HS3ST5: variants seen among roughly 807,000 people sequenced by gnomAD.
HS3ST5 encodes the protein heparan sulfate-glucosamine 3-sulfotransferase 5.
In HS3ST5, 10 loss-of-function variants were observed where a neutral mutation model predicts 25.4. The observed-to-expected ratio is 0.39, with a 90% CI of 0.24 to 0.67. The LOEUF is 0.67. Among genes scored for constraint, HS3ST5 ranks in the 30% least tolerant of loss-of-function variants. HS3ST5 has a pLI of 0.44. For missense variants in HS3ST5, 324 were observed against 420.7 expected, an observed-to-expected ratio of 0.77 and a Z score of 2.01; for synonymous variants, 170 against 162.4, an observed-to-expected ratio of 1.05 and a Z score of -0.36.
chr6:114,162,524 T>C (rs1158056239), intron 3 of HS3ST5, among the ~76,000 whole-genome samples: 1 of 152,196 alleles, frequency 6.6e-6, no homozygotes, highest in Admixed American at 6.5e-5. Flanking sequence ...GCCAGATTAA[T>C]CTTTTTTAAA....
chr6:114,310,772 TTTAA>T (rs1775498281), intron 1 of HS3ST5, among the ~76,000 whole-genome samples: 1 of 152,188 alleles, frequency 6.6e-6, no homozygotes, highest in African/African-American at 2.4e-5. Flanking sequence ...TCTGTATATG[TTTAA>T]TTAATGATAT....
At chr6:114,313,133 A>G (rs1004282723) in intron 1 of HS3ST5, among the ~76,000 whole-genome samples, 1 of 152,032 alleles carries the variant, frequency 6.6e-6, no homozygotes, top group Admixed American at 6.6e-5. Flanking sequence ...GAAACTTAAA[A>G]CCACAGTGAG....
intron 3 of HS3ST5, among the ~76,000 whole-genome samples, chr6:114,160,374 C>T (rs1033978829): frequency 6.6e-6 from 1 of 151,942 alleles, no homozygotes; most frequent in Non-Finnish European, 1.5e-5. Context: ...TTACAAAATA[C>T]TTCCAAATGA....
At chr6:114,332,698 C>T (rs781152951) in intron 1 of HS3ST5, among the ~76,000 whole-genome samples, 9 of 152,176 alleles carry the variant, frequency 5.9e-5, no homozygotes, top group Non-Finnish European at 1.3e-4. Context: ...AGAGTATGAT[C>T]TGTACTACCA....
chr6:114,324,257 T>C (rs1776084838), intron 1 of HS3ST5, among the ~76,000 whole-genome samples: 1 of 152,182 alleles, frequency 6.6e-6, no homozygotes, highest in African/African-American at 2.4e-5. Context: ...TTCTAGATAA[T>C]GTGAGAGAAT....
intron 3 of HS3ST5, among the ~76,000 whole-genome samples, chr6:114,166,427 G>C (rs1779210547): frequency 6.6e-6 from 1 of 152,174 alleles, no homozygotes; most frequent in African/African-American, 2.4e-5. Context: ...TCCAAGAGTG[G>C]CTGGCATGCT....
At chr6:114,322,986 A>G (rs1244265166) in intron 1 of HS3ST5, among the ~76,000 whole-genome samples, 1 of 152,132 alleles carries the variant, frequency 6.6e-6, no homozygotes, top group Non-Finnish European at 1.5e-5. Flanking sequence ...CTTAGCAATG[A>G]TCTCTTTTCA....
chr6:114,176,293 A>C (rs976844486), intron 2 of HS3ST5, among the ~76,000 whole-genome samples: 1 of 152,152 alleles, frequency 6.6e-6, no homozygotes, highest in Non-Finnish European at 1.5e-5. Context: ...ATCAGAAACA[A>C]TGTGAAAACA....
At chr6:114,315,981 C>A (rs953581173) in intron 1 of HS3ST5, among the ~76,000 whole-genome samples, 4 of 152,166 alleles carry the variant, frequency 2.6e-5, no homozygotes, top group Admixed American at 2.6e-4. Flanking sequence ...AATTGTTTCT[C>A]TAGCCAGCAG....
intron 1 of HS3ST5, among the ~76,000 whole-genome samples, chr6:114,316,425 A>G (rs1437216615): frequency 2.0e-5 from 3 of 152,200 alleles, no homozygotes; most frequent in African/African-American, 7.2e-5. Context: ...ATGGCATTCA[A>G]TGTAATGTGT....
chr6:114,294,604 C>T (rs571743395), intron 1 of HS3ST5, among the ~76,000 whole-genome samples: 4 of 152,138 alleles, frequency 2.6e-5, no homozygotes, highest in Admixed American at 2.6e-4. Flanking sequence ...CGCCACTGCG[C>T]CCAGCTAATT....
chr6:114,218,662 G>A (rs915415466), intron 2 of HS3ST5, among the ~76,000 whole-genome samples: 1 of 152,136 alleles, frequency 6.6e-6, no homozygotes, highest in African/African-American at 2.4e-5. Flanking sequence ...ATAGCCTAAA[G>A]AAATGAAAAA....
intron 4 of HS3ST5, among the ~76,000 whole-genome samples, chr6:114,060,844 G>A (rs987878676): frequency 2.6e-5 from 4 of 152,154 alleles, no homozygotes; most frequent in African/African-American, 9.7e-5. Context: ...AAGATAGAAT[G>A]TGAAAATATG....
chr6:114,085,163 GGTCT>G (rs1774728198), intron 3 of HS3ST5, among the ~76,000 whole-genome samples: 1 of 151,990 alleles, frequency 6.6e-6, no homozygotes, highest in South Asian at 2.1e-4. Context: ...AGGATTTTGT[GGTCT>G]GTCATTTTAC....
At chr6:114,084,370 C>T in intron 3 of HS3ST5, 3 of 756,670 alleles carry the variant, frequency 4.0e-6, no homozygotes, top group Non-Finnish European at 4.8e-6. Context: ...AGTCCATTCA[C>T]CCTGAAATTC....
At chr6:114,101,588 T>C (rs1015419590) in intron 3 of HS3ST5, among the ~76,000 whole-genome samples, 12 of 152,222 alleles carry the variant, frequency 7.9e-5, no homozygotes, top group Admixed American at 4.6e-4. Flanking sequence ...GGAGTGCTTA[T>C]ATACTGCTGA....
At chr6:114,251,762 C>A (rs1009704598) in intron 1 of HS3ST5, 3 of 152,184 alleles carry the variant, frequency 2.0e-5, no homozygotes, top group Non-Finnish European at 4.4e-5. Context: ...TATATTGTGA[C>A]AATAATGGAG....
intron 2 of HS3ST5, among the ~76,000 whole-genome samples, chr6:114,198,680 A>C (rs1193218974): frequency 2.0e-5 from 3 of 152,236 alleles, no homozygotes; most frequent in Non-Finnish European, 4.4e-5. Flanking sequence ...AAATAAACTA[A>C]AGAAATAATT....
chr6:114,206,039 T>C (rs1460364891), intron 2 of HS3ST5, among the ~76,000 whole-genome samples: 1 of 152,134 alleles, frequency 6.6e-6, no homozygotes, highest in Non-Finnish European at 1.5e-5. Flanking sequence ...GTTCTCTATT[T>C]CTATTCCATT....
Sources: allele counts gnomAD v4.1 joint callset (sites outside exome capture counted in the v4.1 genomes callset), GRCh38; gene constraint gnomAD v4.1.1; transcripts MANE v1.5; gene names NCBI Gene and HGNC (gene_info 2026-07-23, HGNC 2026-07-21).